Variants in SERPINI1 observed in about 807,000 individuals in gnomAD.
SERPINI1 encodes neuroserpin.
In SERPINI1, 19 loss-of-function variants were observed where a neutral mutation model predicts 41.1. The observed-to-expected ratio is 0.46, with a 90% CI of 0.32 to 0.68. The LOEUF is 0.68. SERPINI1 is among the 30% of genes least tolerant of loss of function. The pLI is 0.03. For synonymous variants in SERPINI1, 138 were observed against 156.6 expected, an observed-to-expected ratio of 0.88 and a Z score of 0.89; for missense variants, 460 against 479.2, an observed-to-expected ratio of 0.96 and a Z score of 0.37.
At chr3:167,766,440 C>A (rs1339025678) in intron 1 of SERPINI1, among the ~76,000 whole-genome samples, 2 of 152,196 alleles carry the variant, frequency 1.3e-5, no homozygotes, top group Non-Finnish European at 2.9e-5. Flanking sequence ...GAAAGACACA[C>A]ACCCCTGATT....
At chr3:167,813,358 C>G (rs542333466) in intron 6 of SERPINI1, among the ~76,000 whole-genome samples, 1 of 152,304 alleles carries the variant, frequency 6.6e-6, no homozygotes, top group East Asian at 1.9e-4. Context: ...CTGGACAAAT[C>G]CAGGCTCTCT....
intron 1 of SERPINI1, among the ~76,000 whole-genome samples, chr3:167,760,216 A>T (rs1726334967): frequency 6.6e-6 from 1 of 152,130 alleles, no homozygotes; most frequent in South Asian, 2.1e-4. Context: ...TGGTGCTTAA[A>T]ATTCTGCTTC....
rs9866873 is a variant in SERPINI1, at chr3:167,757,394, C to G, written c.-19+21571C>G. Among the ~76,000 whole-genome samples the G allele has an allele frequency of 8.1e-3, 1,236 of 151,874 alleles. 12 individuals carry two copies. The highest frequency in any genetic ancestry group is 0.029 in the African/African-American group (1,179 of 41,288). ...TGAGTAAAGGAATTAATATGATCTC[C>G]TTGGTGTTACATAGGAATTTCTGTT... is the stretch of plus-strand genomic sequence containing the variant. On this transcript the variant is annotated intron_variant, in intron 1 of 8. Transcript: ENST00000446050.
At chr3:167,790,259 C>T in intron 2 of SERPINI1, 113 bp from the exon 3 acceptor site, 1 of 754,598 alleles carries the variant, frequency 1.3e-6, no homozygotes, top group South Asian at 1.5e-5. Flanking sequence ...GGCACTTTTC[C>T]CCCAGGTGCC....
intron 5 of SERPINI1, 67 bp downstream of exon 5, chr3:167,794,891 G>GA (rs1727662025): frequency 7.6e-7 from 1 of 1,321,656 alleles, no homozygotes; most frequent in Non-Finnish European, 1.1e-6. Flanking sequence ...ATCTGACCCA[G>GA]AAAAACTCTT....
intron 1 of SERPINI1, among the ~76,000 whole-genome samples, chr3:167,765,773 T>G (rs989407270): frequency 7.9e-5 from 12 of 152,194 alleles, no homozygotes; most frequent in Non-Finnish European, 1.2e-4. Context: ...CCCAAGTCAA[T>G]TTTTGAATGC....
intron 1 of SERPINI1, among the ~76,000 whole-genome samples, chr3:167,752,784 C>T: frequency 6.6e-6 from 1 of 152,018 alleles, no homozygotes; most frequent in East Asian, 1.9e-4. Flanking sequence ...GTTCTTTAAT[C>T]ACAGAGCTCT....
At chr3:167,772,931 T>A (rs1328078229) in intron 1 of SERPINI1, among the ~76,000 whole-genome samples, 7 of 125,798 alleles carry the variant, frequency 5.6e-5, no homozygotes, top group Non-Finnish European at 9.8e-5. Context: ...CATGCATATA[T>A]ACATATACAT....
At chr3:167,736,980 A>G (rs906127804) in intron 1 of SERPINI1, among the ~76,000 whole-genome samples, 14 of 152,054 alleles carry the variant, frequency 9.2e-5, no homozygotes, top group African/African-American at 2.7e-4. Flanking sequence ...TGACAGTTGC[A>G]TATTTCAGAG....
At chr3:167,822,907 TA>T in intron 6 of SERPINI1, 78 bp from the exon 7 acceptor site, 1 of 801,652 alleles carries the variant, frequency 1.2e-6, no homozygotes, top group Non-Finnish European at 2.2e-6. Context: ...CTTAGATCTC[TA>T]AAATCCATTT....
chr3:167,766,035 T>TC (rs1726556310), intron 1 of SERPINI1, among the ~76,000 whole-genome samples: 1 of 152,088 alleles, frequency 6.6e-6, no homozygotes, highest in African/African-American at 2.4e-5. Flanking sequence ...CTCCAAAATT[T>TC]CCCACACTTC....
chr3:167,818,074 G>T (rs1712178513), intron 6 of SERPINI1, among the ~76,000 whole-genome samples: 1 of 151,766 alleles, frequency 6.6e-6, no homozygotes, highest in African/African-American at 2.4e-5. Context: ...CACCCAGACT[G>T]GAGTGCAATG....
intron 1 of SERPINI1, among the ~76,000 whole-genome samples, chr3:167,753,574 G>A (rs188533933): frequency 1.2e-4 from 19 of 152,198 alleles, no homozygotes; most frequent in Non-Finnish European, 2.2e-4. Flanking sequence ...ATTGGGGGTG[G>A]GGAGCAGTGA....
At chr3:167,793,879 G>A (rs919130353) in intron 4 of SERPINI1, among the ~76,000 whole-genome samples, 4 of 118,624 alleles carry the variant, frequency 3.4e-5, no homozygotes, top group African/African-American at 1.6e-4. Context: ...TGTTAATTTG[G>A]CTAAGTTCAT....
chr3:167,738,030 T>C (rs1000362492), intron 1 of SERPINI1, among the ~76,000 whole-genome samples: 1 of 152,156 alleles, frequency 6.6e-6, no homozygotes, highest in South Asian at 2.1e-4. Context: ...TACCTTGCAC[T>C]CTTGATTCAT....
intron 1 of SERPINI1, among the ~76,000 whole-genome samples, chr3:167,754,997 C>G (rs6802840): frequency 0.058 from 8,880 of 152,254 alleles, 295 homozygotes; most frequent in Admixed American, 0.087. Flanking sequence ...TAGCTCCTTC[C>G]TGCAGCCTCA....
At chr3:167,760,426 A>T (rs1345803270) in intron 1 of SERPINI1, among the ~76,000 whole-genome samples, 1 of 151,968 alleles carries the variant, frequency 6.6e-6, no homozygotes, top group African/African-American at 2.4e-5. Flanking sequence ...GGGCAGCAGC[A>T]TAAGGCATCT....
intron 5 of SERPINI1, among the ~76,000 whole-genome samples, chr3:167,806,108 G>A (rs1339056272): frequency 6.6e-6 from 1 of 152,124 alleles, no homozygotes. Flanking sequence ...TAAAGAAAAT[G>A]TGGCATATAT....
chr3:167,766,895 A>T (rs1016993629), intron 1 of SERPINI1, among the ~76,000 whole-genome samples: 4 of 152,258 alleles, frequency 2.6e-5, no homozygotes, highest in Admixed American at 6.5e-5. Flanking sequence ...AAAGGAAGCC[A>T]TCTCCGTAAC....
Sources: allele counts gnomAD v4.1 joint callset (sites outside exome capture counted in the v4.1 genomes callset), GRCh38; gene constraint gnomAD v4.1.1; transcripts MANE v1.5; gene names NCBI Gene and HGNC (gene_info 2026-07-23, HGNC 2026-07-21).